AAK1: variants seen among roughly 807,000 people sequenced by gnomAD.
AAK1 encodes the protein AP2-associated protein kinase 1.
A neutral mutation model predicts 116.0 loss-of-function variants in AAK1; 37 were observed. The ratio of observed to expected loss-of-function variants is 0.32; its 90% CI spans 0.25 to 0.42. The LOEUF (loss-of-function observed/expected upper bound fraction) is 0.42. Ranked by LOEUF, AAK1 falls within the 10% of genes least tolerant of loss-of-function variation. The pLI, the probability that AAK1 is intolerant of heterozygous loss-of-function variation, is 1.00. For synonymous variants in AAK1, 458 were observed against 439.9 expected (o/e 1.04, Z -0.51); for missense variants, 919 against 1,170.6 (o/e 0.79, Z 3.14).
At chr2:69,572,455 C>T (rs1014792979) in intron 2 of AAK1, among the ~76,000 whole-genome samples, 1 of 151,734 alleles carries the variant, frequency 6.6e-6, no homozygotes, top group African/African-American at 2.4e-5. Context: ...CCTGTCTCTA[C>T]TAAAAATACA....
intron 2 of AAK1, among the ~76,000 whole-genome samples, chr2:69,635,558 T>C (rs538006158): frequency 6.6e-6 from 1 of 152,360 alleles, no homozygotes; most frequent in East Asian, 1.9e-4. Flanking sequence ...TGTCCACTGA[T>C]GAATGATACA....
intron 14 of AAK1, among the ~76,000 whole-genome samples, chr2:69,508,552 T>G (rs1676274667): frequency 6.6e-6 from 1 of 152,244 alleles, no homozygotes. Context: ...GACTAAGACA[T>G]GGTCATTGTC....
At chr2:69,618,421 C>T (rs900217449) in intron 2 of AAK1, among the ~76,000 whole-genome samples, 4 of 152,172 alleles carry the variant, frequency 2.6e-5, no homozygotes, top group Non-Finnish European at 5.9e-5. Flanking sequence ...CCAACTTGCT[C>T]GGTCCTGCTC....
chr2:69,508,663 A>G (rs1440500596), intron 14 of AAK1, among the ~76,000 whole-genome samples: 2 of 152,254 alleles, frequency 1.3e-5, no homozygotes, highest in Non-Finnish European at 2.9e-5. Context: ...ATTATACATC[A>G]TATCAGAGGA....
chr2:69,579,131 C>T (rs917248914), intron 2 of AAK1, among the ~76,000 whole-genome samples: 2 of 152,166 alleles, frequency 1.3e-5, no homozygotes, highest in African/African-American at 4.8e-5. Context: ...TCACTCTCTC[C>T]ACATTCTACC....
At chr2:69,637,344 T>A (rs1324053606) in intron 2 of AAK1, among the ~76,000 whole-genome samples, 1 of 152,172 alleles carries the variant, frequency 6.6e-6, no homozygotes, top group African/African-American at 2.4e-5. Flanking sequence ...TGCTCACATA[T>A]CTGAAATCCT....
chr2:69,482,250 G>C, intron 18 of AAK1: 1 of 248,140 alleles, frequency 4.0e-6, no homozygotes, highest in South Asian at 6.8e-5. Flanking sequence ...TACTCGGGAG[G>C]CTGAGGCAGG....
chr2:69,550,831 G>A (rs1287492718), intron 3 of AAK1, among the ~76,000 whole-genome samples: 5 of 152,018 alleles, frequency 3.3e-5, no homozygotes, highest in African/African-American at 9.7e-5. Context: ...GGACAGGCTG[G>A]TCTCAAACTC....
chr2:69,507,691 C>A, intron 14 of AAK1, 113 bp from the exon 15 acceptor site: 136 of 922,244 alleles, frequency 1.5e-4, no homozygotes, highest in Middle Eastern at 3.5e-4. Context: ...GTCAAACCAT[C>A]ATTTTCCACC....
At chr2:69,500,695 A>ATATATATG (rs1675942541) in intron 16 of AAK1, among the ~76,000 whole-genome samples, 1 of 122,838 alleles carries the variant, frequency 8.1e-6, no homozygotes, top group Non-Finnish European at 1.6e-5. Context: ...ATATATATAT[A>ATATATATG]TATACACACA....
At chr2:69,625,648 G>A (rs1468472106) in intron 2 of AAK1, among the ~76,000 whole-genome samples, 1 of 152,046 alleles carries the variant, frequency 6.6e-6, no homozygotes, top group Non-Finnish European at 1.5e-5. Flanking sequence ...CTTATGTCAC[G>A]CTGCCTCTGT....
chr2:69,539,418 G>A (rs1388384539), intron 5 of AAK1, among the ~76,000 whole-genome samples: 1 of 121,118 alleles, frequency 8.3e-6, no homozygotes, highest in African/African-American at 7.0e-5. Context: ...GTGCAGAACG[G>A]GGGCTACAGA....
chr2:69,534,265 A>G (rs886823905), intron 5 of AAK1, among the ~76,000 whole-genome samples: 1 of 152,210 alleles, frequency 6.6e-6, no homozygotes, highest in Non-Finnish European at 1.5e-5. Flanking sequence ...TGGGAAGTGA[A>G]CCTAAACAAC....
At chr2:69,539,359 A>G (rs1031172642) in intron 5 of AAK1, among the ~76,000 whole-genome samples, 5 of 152,192 alleles carry the variant, frequency 3.3e-5, no homozygotes, top group African/African-American at 1.2e-4. Flanking sequence ...ACGGTGGTGC[A>G]GAGTCAGAGT....
intron 13 of AAK1, among the ~76,000 whole-genome samples, chr2:69,509,870 G>C (rs992880334): frequency 2.6e-5 from 4 of 152,134 alleles, no homozygotes; most frequent in African/African-American, 9.7e-5. Context: ...GCAAGCAATA[G>C]ATCCTATCAC....
chr2:69,642,444 G>C (rs914737096), intron 2 of AAK1, among the ~76,000 whole-genome samples: 2 of 151,904 alleles, frequency 1.3e-5, no homozygotes, highest in African/African-American at 2.4e-5. Flanking sequence ...CCTGCTCATG[G>C]AAGTGGGAAA....
At chr2:69,492,643 C>T (rs1161589065) in intron 17 of AAK1, among the ~76,000 whole-genome samples, 3 of 149,354 alleles carry the variant, frequency 2.0e-5, no homozygotes, top group East Asian at 2.0e-4. Context: ...CTGTCTCAGT[C>T]TCCCGAGTAC....
At chr2:69,575,935 C>A (rs1469222875) in intron 2 of AAK1, among the ~76,000 whole-genome samples, 1 of 152,148 alleles carries the variant, frequency 6.6e-6, no homozygotes, top group Non-Finnish European at 1.5e-5. Flanking sequence ...TTGTTTCTTG[C>A]TTACTGTAAT....
At chr2:69,608,337 G>A (rs1312822965) in intron 2 of AAK1, among the ~76,000 whole-genome samples, 1 of 152,208 alleles carries the variant, frequency 6.6e-6, no homozygotes, top group Non-Finnish European at 1.5e-5. Context: ...TCTGGCACGG[G>A]CAGCCAGTGT....
Sources: gnomAD v4.1 joint callset for allele counts (sites outside exome capture counted in the v4.1 genomes callset) on GRCh38, gnomAD v4.1.1 for gene constraint, MANE v1.5 for transcripts, NCBI Gene and HGNC (gene_info 2026-07-23, HGNC 2026-07-21) for gene names.